The following CACNG1 variants were observed in gnomAD, a reference collection of about 807,000 sequenced individuals.
The protein encoded by CACNG1 is voltage-dependent calcium channel gamma-1 subunit.
In CACNG1, 21 loss-of-function variants were observed where a neutral mutation model predicts 22.0. The observed-to-expected ratio is 0.95, with a 90% CI of 0.68 to 1.37. CACNG1 has a LOEUF of 1.37. Ranked by LOEUF, CACNG1 falls within the 40% of genes most tolerant of loss-of-function variation. CACNG1 has a pLI of 0.00. For missense variants in CACNG1, 291 were observed against 308.6 expected (o/e 0.94, Z 0.43); for synonymous variants, 127 against 129.2 (o/e 0.98, Z 0.12).
Position 67,054,065 on chromosome 17 carries a change from A to G in CACNG1, c.299A>G (p.Gln100Arg). 2 of 1,613,602 alleles carry G rather than the reference A, an allele frequency of 1.2e-6. No individual in the cohort carries two copies. Among genetic ancestry groups the G allele is most frequent in the Non-Finnish European group, 1.7e-6 (2 of 1,179,518 alleles). The change falls in exon 2 of 4, where the codon CAG (glutamine) becomes CGG (arginine). Residue 100 changes from glutamine to arginine, a missense_variant. Gln to Arg is a conservative substitution (Grantham distance 43, BLOSUM62 1). Coordinates refer to ENST00000226021, the MANE Select transcript of CACNG1 (RefSeq NM_000727.4). The surrounding 1 kb of genome is among the most constrained non-coding windows in gnomAD (Gnocchi z 4.6). ...TCGGAGATCTTCGAATTCACCACTC[A>G]GAAGGGTGAGCCTGGGTGGAAAGGG... ...ESSEIFEFTT[Q>R]KEYSISAAAI...
At position 67,055,640 on chromosome 17, in the gene CACNG1, G is replaced by A. The variant is rs1053933138; in HGVS notation, c.442+400G>A. ...ACTCCTGGGTTCAAGGGTTCCTCCC[G>A]CCCCAGCCTCCTAGTAGCTGGGACT... On this transcript the variant is annotated intron_variant, in intron 3 of 3. Transcript: ENST00000226021. The surrounding 1 kb of genome is among the most constrained non-coding windows in gnomAD (Gnocchi z 4.5). 4.6e-5 allele frequency among the ~76,000 whole-genome samples: 7 copies of A among 152,112 alleles called. No individual in the cohort carries two copies. The highest frequency in any genetic ancestry group is 2.0e-4 in the Admixed American group (3 of 15,276).
intron 1 of CACNG1, among the ~76,000 whole-genome samples, chr17:67,051,864 C>G (rs1351729442): frequency 6.6e-6 from 1 of 152,242 alleles, no homozygotes; most frequent in African/African-American, 2.4e-5. Context: ...AACAGCTGTG[C>G]CCCCAGCAAG....
chr17:67,045,686 C>T (rs1034256135), intron 1 of CACNG1, among the ~76,000 whole-genome samples: 1 of 152,134 alleles, frequency 6.6e-6, no homozygotes, highest in Non-Finnish European at 1.5e-5. Flanking sequence ...CCACACCCAT[C>T]TAATTTTTGT....
At position 67,056,412 on chromosome 17, in the gene CACNG1, C is replaced by A; in HGVS notation, c.*141C>A. 1 of 691,632 alleles carries A rather than the reference C, an allele frequency of 1.4e-6. No homozygotes were observed. The highest frequency in any genetic ancestry group is 2.4e-6 in the Non-Finnish European group (1 of 413,768). The allele number at this position is 691,632 out of a possible 1,614,324, so 42.8% of individuals were successfully genotyped here. A position where few individuals can be genotyped will look rare whatever the true frequency, so the allele number is the denominator to read the frequency against. On this transcript the variant is annotated 3_prime_UTR_variant, in exon 4 of 4. Transcript: ENST00000226021. This position sits in a 1 kb window ranked among gnomAD's most constrained non-coding sequence, Gnocchi z 4.3. ...CCCCTGCAACAGTCGCAGGCTGCTT[C>A]CTCTCTCTGAGTTCCTCTGGGCTGC...
At position 67,054,063 on chromosome 17, in the gene CACNG1, TC is replaced by T; in HGVS notation, c.298del (p.Gln100ArgfsTer63). 1 of 1,613,508 alleles carries T rather than the reference TC, an allele frequency of 6.2e-7. No homozygotes were observed. Among genetic ancestry groups the T allele is most frequent in the East Asian group, 2.2e-5 (1 of 44,860 alleles). On this transcript the variant is annotated frameshift_variant, in exon 2 of 4. Transcript: ENST00000226021. LOFTEE classifies it high-confidence loss of function. The surrounding 1 kb of genome is among the most constrained non-coding windows in gnomAD (Gnocchi z 4.6). ...ESSEIFEFTTQKEYSISAAAI... is the reference protein window; with the variant it reads ...ESSEIFEFTTXKEYSISAAAI... ...GCTCGGAGATCTTCGAATTCACCACTCAGAAGGGTGAGCCTGGGTGGAAAGG... is the reference window on the plus strand; with the variant it reads ...GCTCGGAGATCTTCGAATTCACCACTAGAAGGGTGAGCCTGGGTGGAAAGG...
At chr17:67,049,927 C>G (rs1168044661) in intron 1 of CACNG1, among the ~76,000 whole-genome samples, 1 of 152,168 alleles carries the variant, frequency 6.6e-6, no homozygotes, top group African/African-American at 2.4e-5. Context: ...GTCTTAGACT[C>G]CAAACAGTCT....
At chr17:67,052,495 T>C (rs2035733742) in intron 1 of CACNG1, among the ~76,000 whole-genome samples, 1 of 152,160 alleles carries the variant, frequency 6.6e-6, no homozygotes, top group Non-Finnish European at 1.5e-5. Flanking sequence ...TGCAGGTACA[T>C]TTCCAGAAAG....
intron 1 of CACNG1, among the ~76,000 whole-genome samples, chr17:67,045,921 G>A (rs1396186942): frequency 6.6e-6 from 1 of 152,186 alleles, no homozygotes; most frequent in African/African-American, 2.4e-5. Context: ...TGTAATTTAA[G>A]CGTATTCCTC....
chr17:67,044,582 C>A lies in CACNG1; in HGVS notation c.-79C>A. On this transcript the variant is annotated 5_prime_UTR_variant, in exon 1 of 4. Transcript: ENST00000226021. This position sits in a 1 kb window ranked among gnomAD's most constrained non-coding sequence, Gnocchi z 6.9. ...CCCAGCTCGACAACCACTGCCACCC[C>A]CCAAGCTCGGCTTGTCACCTGCCCT... 1.1e-6 allele frequency: 1 copy of A among 929,484 alleles called. No individual in the cohort carries two copies. Among genetic ancestry groups the A allele is most frequent in the Admixed American group, 1.8e-5 (1 of 55,626 alleles). The allele number at this position is 929,484 out of a possible 1,614,324, so 57.6% of individuals were successfully genotyped here. A position where few individuals can be genotyped will look rare whatever the true frequency, so the allele number is the denominator to read the frequency against.
Position 67,044,824 on chromosome 17 carries a change from G to A in CACNG1, c.164G>A (p.Arg55Gln), listed in dbSNP as rs200686073. ...TCEAAHFGLWRICTKRIPMDD... is the reference protein window; with the variant it reads ...TCEAAHFGLWQICTKRIPMDD... ...GAGGCGGCCCACTTCGGCCTCTGGC[G>A]GATTTGTACCAAGCGCATCCCCATG... is the stretch of plus-strand genomic sequence containing the variant. Residue 55 changes from arginine (R) to glutamine (Q), a missense_variant, in exon 1 of 4, where the codon CGG (arginine) becomes CAG (glutamine). By Grantham distance (43) the Arg-to-Gln change is conservative. Transcript: ENST00000226021. The surrounding 1 kb of genome is among the most constrained non-coding windows in gnomAD (Gnocchi z 6.9). 3.9e-5 allele frequency: 63 copies of A among 1,613,414 alleles called. No homozygotes were observed. Among genetic ancestry groups the A allele is most frequent in the South Asian group, 3.2e-4 (29 of 91,090 alleles).
At position 67,054,159 on chromosome 17, in the gene CACNG1, T is replaced by A. The variant is rs1598141289; in HGVS notation, c.304+89T>A. 4 of 1,037,056 alleles carry A rather than the reference T, an allele frequency of 3.9e-6. No homozygotes were observed. In the East Asian group the frequency reaches 7.1e-5, roughly 18 times the overall value. 64.2% of individuals were successfully genotyped at this position (1,037,056 alleles called of 1,614,324 possible). On this transcript the variant is annotated intron_variant, in intron 2 of 3. Transcript: ENST00000226021. This position sits in a 1 kb window ranked among gnomAD's most constrained non-coding sequence, Gnocchi z 4.6. ...GCCAGAAAGTCATTGGCAAAAGCAC[T>A]GACTTCCTCACGCCTGATGAGAAGA...
At position 67,055,560 on chromosome 17, in the gene CACNG1, C is replaced by T. The variant is rs1478663201; in HGVS notation, c.442+320C>T. On this transcript the variant is annotated intron_variant, in intron 3 of 3. Coordinates refer to ENST00000226021, the MANE Select transcript of CACNG1 (RefSeq NM_000727.4). The surrounding 1 kb of genome is among the most constrained non-coding windows in gnomAD (Gnocchi z 4.5). ...TTGGGGGATGAGGAAGAGGGTCTCG[C>T]TCTGTCATCCAGGCTGGAGTGCAGT... Among the ~76,000 whole-genome samples the T allele has an allele frequency of 2.0e-5, 3 of 152,196 alleles. No homozygotes were observed.
rs1356856722 is a variant in CACNG1 at position 67,056,427 on chromosome 17, C to T, written c.*156C>T. ...CAGGCTGCTTCCTCTCTCTGAGTTC[C>T]TCTGGGCTGCCGCAGGCTCCCCTGG... On this transcript the variant is annotated 3_prime_UTR_variant, in exon 4 of 4. Coordinates refer to ENST00000226021, the MANE Select transcript of CACNG1 (RefSeq NM_000727.4). This position sits in a 1 kb window ranked among gnomAD's most constrained non-coding sequence, Gnocchi z 4.3. The T allele has an allele frequency of 7.7e-6, 5 of 645,470 alleles. No individual in the cohort carries two copies. The highest frequency in any genetic ancestry group is 1.3e-5 in the Non-Finnish European group (5 of 375,586). 40.0% of individuals were successfully genotyped at this position (645,470 alleles called of 1,614,324 possible). A position where few individuals can be genotyped will look rare whatever the true frequency, so the allele number is the denominator to read the frequency against.
In CACNG1 at chr17:67,055,002, G is replaced by C. The variant is rs865810669; in HGVS notation, c.305-101G>C. 2.4e-6 allele frequency: 3 copies of C among 1,231,068 alleles called. No homozygotes were observed. The highest frequency in any genetic ancestry group is 2.1e-5 in the Admixed American group (1 of 48,432). 76.3% of individuals were successfully genotyped at this position (1,231,068 alleles called of 1,614,324 possible). ...TGACACACACACAATGACACACACA[G>C]ACACTGACACACACACTGTGGTGCA... On this transcript the variant is annotated intron_variant, in intron 2 of 3. Transcript: ENST00000226021. This position sits in a 1 kb window ranked among gnomAD's most constrained non-coding sequence, Gnocchi z 4.5.
intron 1 of CACNG1, 103 bp from the exon 2 acceptor site, chr17:67,053,893 A>G: frequency 2.5e-6 from 2 of 802,682 alleles, no homozygotes; most frequent in Non-Finnish European, 4.5e-6. Flanking sequence ...AGGCTGCCAG[A>G]GCCCCCTGCA....
rs34949596 is a variant in CACNG1, at chr17:67,054,725, GAC to G, written c.305-374_305-373del. Among the ~76,000 whole-genome samples, 74,406 of 149,836 alleles carry G rather than the reference GAC, an allele frequency of 0.5. 20,320 individuals carry two copies. Among genetic ancestry groups the G allele is most frequent in the East Asian group, 0.86 (4,382 of 5,082 alleles). On this transcript the variant is annotated intron_variant, in intron 2 of 3. Transcript: ENST00000226021. This position sits in a 1 kb window ranked among gnomAD's most constrained non-coding sequence, Gnocchi z 4.6. ...GATGACACACAAAATGACACACAGTGACACAGACACACACTGATACACATGCA... is the reference window on the plus strand; with the variant it reads ...GATGACACACAAAATGACACACAGTGACAGACACACACTGATACACATGCA...
Position 67,055,485 on chromosome 17 carries a change from A to G in CACNG1, c.442+245A>G, listed in dbSNP as rs75667121. On this transcript the variant is annotated intron_variant, in intron 3 of 3. Transcript: ENST00000226021. The surrounding 1 kb of genome is among the most constrained non-coding windows in gnomAD (Gnocchi z 4.5). Reference sequence around the variant, plus strand: ...AAGGCCCCAAAGAAACTGCCCAGAGAATGATTAACAAAAGAAGGAAAGAAA... The same window carrying G: ...AAGGCCCCAAAGAAACTGCCCAGAGGATGATTAACAAAAGAAGGAAAGAAA... Among the ~76,000 whole-genome samples the G allele has an allele frequency of 2.7e-3, 409 of 152,224 alleles. 3 individuals carry two copies. The highest frequency in any genetic ancestry group is 9.6e-3 in the African/African-American group (397 of 41,542).
intron 1 of CACNG1, among the ~76,000 whole-genome samples, chr17:67,045,397 G>A (rs1274943759): frequency 6.6e-6 from 1 of 152,196 alleles, no homozygotes; most frequent in Non-Finnish European, 1.5e-5. Flanking sequence ...TTTCAAGGCA[G>A]TGACAGCAGC....
Position 67,056,271 on chromosome 17 carries a change from AC to A in CACNG1, c.*3del. 6.2e-7 allele frequency: 1 copy of A among 1,610,934 alleles called. No individual in the cohort carries two copies. The highest frequency in any genetic ancestry group is 8.5e-7 in the Non-Finnish European group (1 of 1,178,862). On this transcript the variant is annotated 3_prime_UTR_variant, in exon 4 of 4. Coordinates refer to ENST00000226021, the MANE Select transcript of CACNG1 (RefSeq NM_000727.4). This position sits in a 1 kb window ranked among gnomAD's most constrained non-coding sequence, Gnocchi z 4.3. ...GCATGGATGCTGAGCCCGAGCACTAACCCTCCTGCGGCCCTAGCGACCCTCA... is the reference window on the plus strand; with the variant it reads ...GCATGGATGCTGAGCCCGAGCACTAACCTCCTGCGGCCCTAGCGACCCTCA...
Sources: gnomAD v4.1 joint callset for allele counts (sites outside exome capture counted in the v4.1 genomes callset) on GRCh38, gnomAD v4.1.1 for gene constraint, Gnocchi (gnomAD v3.1) non-coding constraint, MANE v1.5 for transcripts, NCBI Gene and HGNC (gene_info 2026-07-23, HGNC 2026-07-21) for gene names.